The following CSMD1 variants were observed in gnomAD, a reference collection of about 807,000 sequenced individuals.
The protein encoded by CSMD1 is CUB and sushi domain-containing protein 1.
A neutral mutation model predicts 417.5 loss-of-function variants in CSMD1; 213 were observed. The observed-to-expected ratio is 0.51, with a 90% CI of 0.46 to 0.57. The LOEUF (loss-of-function observed/expected upper bound fraction) is 0.57. Among genes scored for constraint, CSMD1 ranks in the 20% least tolerant of loss-of-function variants. The probability of loss-of-function intolerance (pLI) is 0.00; values close to 1 mark genes in which losing one functional copy is unlikely to be tolerated. For synonymous variants in CSMD1, 2,862 were observed against 1,736.8 expected, an observed-to-expected ratio of 1.65 and a Z score of -16.11; for missense variants, 6,923 against 4,529.7, an observed-to-expected ratio of 1.53 and a Z score of -15.17.
intron 2 of CSMD1, among the ~76,000 whole-genome samples, chr8:4,459,466 G>A (rs78883780): frequency 6.6e-6 from 1 of 152,142 alleles, no homozygotes; most frequent in Non-Finnish European, 1.5e-5. Flanking sequence ...AGGAGAGATA[G>A]AGGGCAGGAA....
At chr8:4,468,056 GTCCGTC>G (rs1563207676) in intron 2 of CSMD1, among the ~76,000 whole-genome samples, 1,476 of 124,380 alleles carry the variant, frequency 0.012, 19 homozygotes, top group African/African-American at 0.048. Context: ...CCTGCCTCCT[GTCCGTC>G]CCTGTCTTCT....
rs548329622 is a variant in CSMD1, at chr8:4,277,968, T to C, written c.415+141985A>G. 1.6e-3 allele frequency among the ~76,000 whole-genome samples: 245 copies of C among 152,234 alleles called. 2 individuals are homozygous for C. The highest frequency in any genetic ancestry group is 2.9e-3 in the Admixed American group (45 of 15,274). ...TTTCACCATGCTGGCCAGGCTGGTC[T>C]TGAACTCCTAACCTCGTGATTCGCC... On this transcript the variant is annotated intron_variant, in intron 3 of 69. Transcript: ENST00000635120.
intron 3 of CSMD1, among the ~76,000 whole-genome samples, chr8:4,062,382 A>G (rs745582900): frequency 1.3e-5 from 2 of 152,066 alleles, no homozygotes; most frequent in East Asian, 3.9e-4. Flanking sequence ...TTCTCAAGCA[A>G]TAAGAGGGCA....
intron 7 of CSMD1, among the ~76,000 whole-genome samples, chr8:3,699,558 T>G (rs1281111570): frequency 6.6e-6 from 1 of 152,208 alleles, no homozygotes; most frequent in African/African-American, 2.4e-5. Flanking sequence ...ATTTCTATAT[T>G]TTATGGGTTG....
chr8:4,131,756 CTTTTTTTTTT>C (rs10650865), intron 3 of CSMD1, among the ~76,000 whole-genome samples: 1 of 87,426 alleles, frequency 1.1e-5, no homozygotes, highest in Non-Finnish European at 2.0e-5. Context: ...ACAAATGTGA[CTTTTTTTTTT>C]TTTTTTTTTT....
At chr8:3,658,804 A>G (rs1349168569) in intron 7 of CSMD1, among the ~76,000 whole-genome samples, 2 of 152,126 alleles carry the variant, frequency 1.3e-5, no homozygotes, top group East Asian at 3.9e-4. Context: ...ATAAAAATAA[A>G]GTCTTCCAAC....
intron 54 of CSMD1, among the ~76,000 whole-genome samples, chr8:2,983,654 C>G (rs1805612848): frequency 1.3e-5 from 2 of 152,146 alleles, no homozygotes; most frequent in East Asian, 1.9e-4. Flanking sequence ...AATCGTAACC[C>G]AAAGTAAAGC....
intron 40 of CSMD1, among the ~76,000 whole-genome samples, chr8:3,149,681 T>C (rs933544314): frequency 2.0e-5 from 3 of 152,188 alleles, no homozygotes; most frequent in African/African-American, 4.8e-5. Context: ...TTTCATCATG[T>C]TGGCCAGGAT....
chr8:4,811,812 C>T (rs1030648907), intron 1 of CSMD1, among the ~76,000 whole-genome samples: 7 of 151,928 alleles, frequency 4.6e-5, no homozygotes, highest in African/African-American at 1.7e-4. Flanking sequence ...TTTGCATAGA[C>T]ATAGGAAAAG....
intron 2 of CSMD1, among the ~76,000 whole-genome samples, chr8:4,447,940 A>G (rs532201058): frequency 3.9e-5 from 6 of 152,140 alleles, no homozygotes; most frequent in South Asian, 2.1e-4. Flanking sequence ...CACACTCACC[A>G]TATTTTTTAA....
At chr8:4,106,930 C>T (rs1585326090) in intron 3 of CSMD1, among the ~76,000 whole-genome samples, 1 of 152,158 alleles carries the variant, frequency 6.6e-6, no homozygotes, top group Admixed American at 6.5e-5. Context: ...TAAACCAAAA[C>T]GCGTTGTGGT....
chr8:4,006,951 A>C (rs2740966), intron 4 of CSMD1, among the ~76,000 whole-genome samples: 93,394 of 150,270 alleles, frequency 0.62, 29,211 homozygotes, highest in South Asian at 0.73. Context: ...CTTCAGACTC[A>C]CGAGTAGCTG....
intron 3 of CSMD1, among the ~76,000 whole-genome samples, chr8:4,251,206 A>T (rs1054056757): frequency 1.3e-5 from 2 of 152,194 alleles, no homozygotes; most frequent in African/African-American, 4.8e-5. Flanking sequence ...GTTTACAATA[A>T]ATAAAACCTA....
intron 6 of CSMD1, among the ~76,000 whole-genome samples, chr8:3,730,600 C>G (rs1028376546): frequency 6.6e-6 from 1 of 152,148 alleles, no homozygotes; most frequent in Admixed American, 6.5e-5. Context: ...TCAGTGCCTA[C>G]ATGTGCACCT....
chr8:4,421,598 G>A (rs117974757), intron 2 of CSMD1, among the ~76,000 whole-genome samples: 3 of 151,950 alleles, frequency 2.0e-5, no homozygotes, highest in African/African-American at 7.2e-5. Context: ...AGGGGCCAAA[G>A]AGAAAGTCTC....
intron 25 of CSMD1, among the ~76,000 whole-genome samples, chr8:3,286,353 G>A (rs1291599253): frequency 6.6e-6 from 1 of 152,068 alleles, no homozygotes; most frequent in African/African-American, 2.4e-5. Flanking sequence ...GTAATGGGAT[G>A]GCTGGGTCAA....
At chr8:4,934,887 GTATC>G (rs959810784) in intron 1 of CSMD1, among the ~76,000 whole-genome samples, 6 of 151,888 alleles carry the variant, frequency 4.0e-5, no homozygotes, top group African/African-American at 1.2e-4. Context: ...ATGTCTATCT[GTATC>G]TATCATCTAC....
At chr8:4,069,329 T>C (rs1799424016) in intron 3 of CSMD1, among the ~76,000 whole-genome samples, 1 of 152,230 alleles carries the variant, frequency 6.6e-6, no homozygotes, top group Admixed American at 6.5e-5. Flanking sequence ...GTCAACAAAA[T>C]TCCAACTCTT....
chr8:3,198,551 A>G (rs1035985713), intron 33 of CSMD1, among the ~76,000 whole-genome samples: 5 of 152,182 alleles, frequency 3.3e-5, no homozygotes, highest in East Asian at 3.9e-4. Context: ...CATTCATTCA[A>G]TGGCTACTTA....
Sources: allele counts gnomAD v4.1 joint callset (sites outside exome capture counted in the v4.1 genomes callset), GRCh38; gene constraint gnomAD v4.1.1; transcripts MANE v1.5; gene names NCBI Gene and HGNC (gene_info 2026-07-23, HGNC 2026-07-21).